The following DHRSX variants were observed in gnomAD, a reference collection of about 807,000 sequenced individuals.
DHRSX encodes dehydrogenase/reductase X-linked, also known as polyprenol dehydrogenase.
Under a neutral mutation model 34.0 loss-of-function variants are expected in DHRSX, and 31 were observed. The ratio of observed to expected loss-of-function variants is 0.91; its 90% confidence interval spans 0.69 to 1.23. The LOEUF is 1.23. DHRSX is among the 50% of genes most tolerant of loss of function. The pLI is 0.00. For synonymous variants in DHRSX, 201 were observed against 183.8 expected (o/e 1.09, Z -0.76); for missense variants, 414 against 428.1 (o/e 0.97, Z 0.29).
chrX:2,439,077 G>A (rs2044032096), intron 1 of DHRSX, among the ~76,000 whole-genome samples: 1 of 151,728 alleles, frequency 6.6e-6, no homozygotes, highest in Admixed American at 6.6e-5. Flanking sequence ...CCCAGGAGGT[G>A]GAGGTTGCAG....
At chrX:2,397,079 C>T (rs2043421311) in intron 3 of DHRSX, among the ~76,000 whole-genome samples, 1 of 152,092 alleles carries the variant, frequency 6.6e-6, no homozygotes, top group African/African-American at 2.4e-5. Context: ...TGGCTCACCA[C>T]AGCCTTGACC....
intron 3 of DHRSX, among the ~76,000 whole-genome samples, chrX:2,330,156 A>G (rs2042445696): frequency 8.3e-6 from 1 of 120,104 alleles, no homozygotes; most frequent in African/African-American, 3.2e-5. Flanking sequence ...AGGAGAAAGG[A>G]AGGAGGAGGA....
chrX:2,290,630 G>A (rs1392794556), intron 4 of DHRSX, among the ~76,000 whole-genome samples: 1 of 152,146 alleles, frequency 6.6e-6, no homozygotes, highest in African/African-American at 2.4e-5. Flanking sequence ...TTTGACGTAC[G>A]TCTGTTCTAT....
intron 5 of DHRSX, among the ~76,000 whole-genome samples, chrX:2,260,469 T>C (rs954240801): frequency 6.6e-6 from 1 of 151,866 alleles, no homozygotes; most frequent in Admixed American, 6.6e-5. Flanking sequence ...CATTTTTTTT[T>C]TTTTTTTGAG....
chrX:2,320,640 C>T (rs760809526), intron 3 of DHRSX, among the ~76,000 whole-genome samples: 14 of 146,500 alleles, frequency 9.6e-5, no homozygotes, highest in African/African-American at 2.5e-4. Flanking sequence ...TAAACCCATT[C>T]GGAAGAGTTT....
chrX:2,300,800 T>A (rs1439263592), intron 3 of DHRSX, among the ~76,000 whole-genome samples: 1 of 152,110 alleles, frequency 6.6e-6, no homozygotes, highest in Non-Finnish European at 1.5e-5. Flanking sequence ...GTTAGTTATA[T>A]CCCTCTAGAG....
At chrX:2,452,949 T>G (rs1305846205) in intron 1 of DHRSX, among the ~76,000 whole-genome samples, 2 of 152,150 alleles carry the variant, frequency 1.3e-5, no homozygotes, top group African/African-American at 2.4e-5. Context: ...CACTACTCAG[T>G]TTCCAAGAGA....
intron 1 of DHRSX, among the ~76,000 whole-genome samples, chrX:2,433,838 A>C (rs1603089528): frequency 6.6e-6 from 1 of 152,174 alleles, no homozygotes; most frequent in East Asian, 1.9e-4. Context: ...GCAGTGGCGC[A>C]ATATCAGCTC....
At chrX:2,422,408 A>G (rs1402990301) in intron 2 of DHRSX, among the ~76,000 whole-genome samples, 1 of 151,812 alleles carries the variant, frequency 6.6e-6, no homozygotes, top group Non-Finnish European at 1.5e-5. Flanking sequence ...GATTACAGGC[A>G]TACGCCACCA....
At chrX:2,436,452 T>G (rs2043991867) in intron 1 of DHRSX, among the ~76,000 whole-genome samples, 1 of 131,792 alleles carries the variant, frequency 7.6e-6, no homozygotes, top group South Asian at 2.5e-4. Flanking sequence ...CAATTACTTT[T>G]GCAGCAACAT....
chrX:2,353,866 C>A (rs776608056), intron 3 of DHRSX, among the ~76,000 whole-genome samples: 1 of 152,068 alleles, frequency 6.6e-6, no homozygotes, highest in Admixed American at 6.6e-5. Flanking sequence ...ATTACAGGAG[C>A]CAGGCCTACA....
At chrX:2,318,560 C>T (rs187299921) in intron 3 of DHRSX, among the ~76,000 whole-genome samples, 70 of 143,258 alleles carry the variant, frequency 4.9e-4, no homozygotes, top group African/African-American at 1.9e-3. Context: ...CTAATGCATT[C>T]GCTGCTAAAA....
intron 5 of DHRSX, among the ~76,000 whole-genome samples, chrX:2,246,196 A>C (rs182748020): frequency 6.6e-6 from 1 of 152,202 alleles, no homozygotes; most frequent in Non-Finnish European, 1.5e-5. Flanking sequence ...ACTAAAGATA[A>C]GATCAAAAAG....
At chrX:2,319,235 C>T (rs947816709) in intron 3 of DHRSX, among the ~76,000 whole-genome samples, 1 of 132,290 alleles carries the variant, frequency 7.6e-6, no homozygotes, top group African/African-American at 2.7e-5. Context: ...CCCTTCTCCT[C>T]CTCCCCTCCC....
chrX:2,372,744 G>A (rs1258773824), intron 3 of DHRSX, among the ~76,000 whole-genome samples: 1 of 151,916 alleles, frequency 6.6e-6, no homozygotes, highest in Admixed American at 6.6e-5. Context: ...GAGTAGCTGG[G>A]ATTACAGGCA....
At chrX:2,282,433 GGAGA>G (rs1398819583) in intron 4 of DHRSX, among the ~76,000 whole-genome samples, 1 of 149,248 alleles carries the variant, frequency 6.7e-6, no homozygotes, top group Non-Finnish European at 1.5e-5. Context: ...GGAAGGCAAA[GGAGA>G]GAGGAGGAGA....
intron 3 of DHRSX, among the ~76,000 whole-genome samples, chrX:2,304,472 G>A (rs927043060): frequency 6.6e-6 from 1 of 152,120 alleles, no homozygotes; most frequent in Non-Finnish European, 1.5e-5. Flanking sequence ...ACCCTTGTAG[G>A]GGGAGATTGG....
chrX:2,314,982 A>T (rs189067765), intron 3 of DHRSX, among the ~76,000 whole-genome samples: 1 of 152,180 alleles, frequency 6.6e-6, no homozygotes, highest in African/African-American at 2.4e-5. Context: ...AACATGGAGA[A>T]ATGCTGTCTC....
chrX:2,264,679 T>C (rs1239676929), intron 5 of DHRSX, among the ~76,000 whole-genome samples: 1 of 145,742 alleles, frequency 6.9e-6, no homozygotes, highest in Admixed American at 6.8e-5. Flanking sequence ...GGGAGCACCA[T>C]TTCCAGGGCA....
Sources: gnomAD v4.1 joint callset for allele counts (sites outside exome capture counted in the v4.1 genomes callset) on GRCh38, gnomAD v4.1.1 for gene constraint, MANE v1.5 for transcripts, NCBI Gene and HGNC (gene_info 2026-07-23, HGNC 2026-07-21) for gene names.